The following RASL12 variants were observed in gnomAD, a reference collection of about 807,000 sequenced individuals.
The protein encoded by RASL12 is ras-like protein family member 12.
In RASL12, 16 loss-of-function variants were observed where a neutral mutation model predicts 22.9. That is an observed-to-expected ratio of 0.70 (90% confidence interval 0.47 to 1.06). The LOEUF (loss-of-function observed/expected upper bound fraction) is 1.06. RASL12 is among the 50% of genes least tolerant of loss of function. The probability of loss-of-function intolerance (pLI) is 0.00; values close to 1 mark genes in which losing one functional copy is unlikely to be tolerated. For missense variants in RASL12, 306 were observed against 353.1 expected (o/e 0.87, Z 1.07); for synonymous variants, 159 against 152.2 (o/e 1.04, Z -0.33).
upstream of RASL12, among the ~76,000 whole-genome samples, chr15:65,069,139 G>C (rs2086913543): frequency 6.6e-6 from 1 of 152,202 alleles, no homozygotes; most frequent in Admixed American, 6.5e-5. Context: ...TGCAGGCAGG[G>C]CCCAGGGTCA....
chr15:65,055,237 T>C lies in RASL12; in HGVS notation c.463A>G (p.Arg155Gly). Reference protein sequence around the residue: ...TKAEGVALAGRFGCLFFEVSA... With the variant: ...TKAEGVALAGGFGCLFFEVSA... ...ACCTCGAAAAACAGGCACCCAAACCTGCCTGCCAAAGCCACACCCTCTGCC... is the reference window on the plus strand; with the variant it reads ...ACCTCGAAAAACAGGCACCCAAACCCGCCTGCCAAAGCCACACCCTCTGCC... The change falls in exon 5 of 5, where the codon AGG (arginine) becomes GGG (glycine). Residue 155 changes from arginine (R) to glycine (G), a missense_variant. Coordinates refer to ENST00000220062, the MANE Select transcript of RASL12 (RefSeq NM_016563.4). 6.3e-7 allele frequency: 1 copy of C among 1,599,712 alleles called. No homozygotes were observed. The highest frequency in any genetic ancestry group is 8.5e-7 in the Non-Finnish European group (1 of 1,173,084).
chr15:65,057,657 T>A (rs1266428735), intron 4 of RASL12, among the ~76,000 whole-genome samples: 1 of 151,956 alleles, frequency 6.6e-6, no homozygotes, highest in Admixed American at 6.5e-5. Context: ...CAGCCAACTG[T>A]GGGAGTGAGA....
downstream of RASL12, chr15:65,051,641 T>C (rs2086654485): frequency 1.3e-6 from 2 of 1,598,106 alleles, no homozygotes; most frequent in African/African-American, 1.3e-5. Context: ...GGGTGGTCTC[T>C]GTGGGGTAGA....
Position 65,059,346 on chromosome 15 carries a change from A to G in RASL12, c.233T>C (p.Leu78Pro). The G allele has an allele frequency of 6.2e-7, 1 of 1,613,430 alleles. No homozygotes were observed. The highest frequency in any genetic ancestry group is 8.5e-7 in the Non-Finnish European group (1 of 1,179,346). Reference sequence around the variant, plus strand: ...CATAGGTAATGGAGGTAATGTTACCAGGTCTGCAGTGTCCATGACCCTCAG... The same window carrying G: ...CATAGGTAATGGAGGTAATGTTACCGGGTCTGCAGTGTCCATGACCCTCAG... ...VHLRVMDTADLDTPRNCERYL... is the reference protein window; with the variant it reads ...VHLRVMDTADPDTPRNCERYL... Residue 78 changes from leucine to proline, a missense_variant and splice_region_variant, in exon 3 of 5, where the codon CTG becomes CCG. Transcript: ENST00000220062.
At chr15:65,063,668 AC>A (rs1240909200) in intron 2 of RASL12, among the ~76,000 whole-genome samples, 2 of 152,170 alleles carry the variant, frequency 1.3e-5, no homozygotes, top group East Asian at 1.9e-4. Context: ...ACCCATGGGA[AC>A]CCCTTTGCTC....
At chr15:65,059,131 A>G (rs536319694) in intron 3 of RASL12, among the ~76,000 whole-genome samples, 1 of 152,348 alleles carries the variant, frequency 6.6e-6, no homozygotes, top group South Asian at 2.1e-4. Flanking sequence ...GATGCCAGCA[A>G]CCATCATGTC....
Position 65,055,313 on chromosome 15 carries a change from G to A in RASL12, c.426-39C>T, listed in dbSNP as rs369647336. The A allele has an allele frequency of 2.8e-5, 41 of 1,488,046 alleles. No individual in the cohort carries two copies. The African/African-American group carries it at 5.5e-4, about 20-fold the overall frequency. The allele number at this position is 1,488,046 out of a possible 1,614,324, so 92.2% of individuals were successfully genotyped here. ...AGTGTGAGGCAGGGAGTTAGGAGCA[G>A]GCTGTGCCAAGTCAGGCAGACCAGC... On this transcript the variant is annotated intron_variant, in intron 4 of 4. Transcript: ENST00000220062.
At chr15:65,050,080 T>C, downstream of RASL12, 1 of 1,551,624 alleles carries the variant, frequency 6.4e-7, no homozygotes, top group Non-Finnish European at 8.7e-7. Flanking sequence ...AGAGATGCTT[T>C]GGTTTTTTCG....
At chr15:65,053,227 G>T, downstream of RASL12, 1 of 1,573,776 alleles carries the variant, frequency 6.4e-7, no homozygotes, top group South Asian at 1.2e-5. Flanking sequence ...TCAGTGGCCT[G>T]AAACCTCTCA....
At chr15:65,048,086 A>G in the RASL12 span, among the ~76,000 whole-genome samples, 4 of 152,074 alleles carry the variant, frequency 2.6e-5, no homozygotes, top group African/African-American at 7.2e-5. Context: ...CAGAGGCACA[A>G]ACGAGAACCG....
chr15:65,052,503 T>C (rs2086666832), downstream of RASL12, among the ~76,000 whole-genome samples: 2 of 148,216 alleles, frequency 1.3e-5, no homozygotes, highest in Non-Finnish European at 3.0e-5. Flanking sequence ...CAGGTTCAAG[T>C]GATTCTCCTG....
upstream of RASL12, among the ~76,000 whole-genome samples, chr15:65,070,714 C>T (rs2086925714): frequency 6.6e-6 from 1 of 152,234 alleles, no homozygotes; most frequent in Admixed American, 6.5e-5. Context: ...ACCCAACCCC[C>T]AGGAGCCCTT....
chr15:65,055,980 G>A (rs1163916144), intron 4 of RASL12, among the ~76,000 whole-genome samples: 1 of 152,086 alleles, frequency 6.6e-6, no homozygotes, highest in African/African-American at 2.4e-5. Flanking sequence ...ATTCTGCCTT[G>A]GTCCTACACC....
chr15:65,059,233 T>G (rs989159854), intron 3 of RASL12, 112 bp downstream of exon 3: 40 of 873,662 alleles, frequency 4.6e-5, no homozygotes, highest in Non-Finnish European at 4.2e-5. Context: ...CACAGCAAAG[T>G]TGAGCTTAAA....
At chr15:65,065,366 T>TC in intron 1 of RASL12, 93 bp from the exon 2 acceptor site, 1 of 1,178,314 alleles carries the variant, frequency 8.5e-7, no homozygotes, top group Non-Finnish European at 1.2e-6. Context: ...ACCTCTGTGA[T>TC]CCCCGGCTGA....
Position 65,058,558 on chromosome 15 carries a change from G to A in RASL12, c.294C>T (p.Tyr98=). 1.2e-6 allele frequency: 2 copies of A among 1,609,842 alleles called. No individual in the cohort carries two copies. The highest frequency in any genetic ancestry group is 2.2e-5 in the South Asian group (2 of 90,558). ...CAAAGCTCTGGCGGCTGTCGACGCT[G>A]TACACCACCAGGAAGGCATGGGCCC... ...LNWAHAFLVV[Y]SVDSRQSFDS... The change falls in exon 4 of 5, where the codon TAC becomes TAT. Residue 98 remains tyrosine (Y), a synonymous_variant. Coordinates refer to ENST00000220062, the MANE Select transcript of RASL12 (RefSeq NM_016563.4).
chr15:65,075,755 C>T (rs1450568109), intron 1 of RASL12, among the ~76,000 whole-genome samples: 1 of 151,918 alleles, frequency 6.6e-6, no homozygotes, highest in Non-Finnish European at 1.5e-5. Flanking sequence ...CCAATCAGCA[C>T]CCTGTGTCTA....
At chr15:65,073,832 G>A (rs886964461) in intron 1 of RASL12, among the ~76,000 whole-genome samples, 4 of 152,228 alleles carry the variant, frequency 2.6e-5, no homozygotes, top group Admixed American at 2.6e-4. Flanking sequence ...TCCTGGGATT[G>A]TTGTAAGGAC....
chr15:65,050,234 G>C, downstream of RASL12: 1 of 724,332 alleles, frequency 1.4e-6, no homozygotes, highest in South Asian at 1.8e-5. Flanking sequence ...GGAATCAGTC[G>C]GGGTGTCTCA....
Sources: gnomAD v4.1 joint callset for allele counts (sites outside exome capture counted in the v4.1 genomes callset) on GRCh38, gnomAD v4.1.1 for gene constraint, MANE v1.5 for transcripts, NCBI Gene and HGNC (gene_info 2026-07-23, HGNC 2026-07-21) for gene names.